Variants in FAM181B observed in about 807,000 individuals in gnomAD.
FAM181B encodes the protein protein FAM181B.
In FAM181B, 13 loss-of-function variants were observed where a neutral mutation model predicts 17.8. The ratio of observed to expected loss-of-function variants is 0.73; its 90% CI spans 0.48 to 1.16. FAM181B has a LOEUF of 1.16. FAM181B is among the 50% of genes most tolerant of loss of function. The pLI is 0.00. For missense variants in FAM181B, 725 were observed against 634.1 expected (o/e 1.14, Z -1.54); for synonymous variants, 338 against 316.5 (o/e 1.07, Z -0.72).
In FAM181B at chr11:82,733,577, C is replaced by G; in HGVS notation, c.153G>C (p.Leu51=). The change falls in exon 1 of 1, where the codon CTG becomes CTC. Residue 51 remains leucine, a synonymous_variant. Transcript: ENST00000329203. ...DETGAPAGAL[L]SGAEGGDVRE... ...GCACGTCCCCTCCTTCGGCTCCCGA[C>G]AGCAGCGCACCCGCCGGAGCCCCGG... The G allele has an allele frequency of 6.2e-7, 1 of 1,603,754 alleles. No individual in the cohort carries two copies. The highest frequency in any genetic ancestry group is 8.5e-7 in the Non-Finnish European group (1 of 1,178,854).
Position 82,730,382 on chromosome 11 carries a change from T to C in FAM181B, c.*2067A>G, listed in dbSNP as rs892620665. The C allele has an allele frequency of 8.5e-5, 13 of 152,222 alleles. No individual in the cohort carries two copies. The highest frequency in any genetic ancestry group is 3.1e-4 in the African/African-American group (13 of 41,446). 9.4% of individuals were successfully genotyped at this position (152,222 alleles called of 1,614,324 possible). A position where few individuals can be genotyped will look rare whatever the true frequency, so the allele number is the denominator to read the frequency against. On this transcript the variant is annotated 3_prime_UTR_variant, in exon 1 of 1. Transcript: ENST00000329203. ...AACAGTAGGAGAGAGATAACCTGTT[T>C]TACTACACTAGGTAAGAAAGGAGAG...
In FAM181B at chr11:82,732,870, A is replaced by C; in HGVS notation, c.860T>G (p.Leu287Arg). Residue 287 changes from leucine (L) to arginine (R), a missense_variant, in exon 1 of 1, where the codon CTC becomes CGC. Transcript: ENST00000329203. ...GGAGGCTCCGGCGGGGAACACGTCG[A>C]GAGGCTCGGCGGCAAGCAAGACTGC... The part of the protein sequence containing the change: ...EAAVLLAAEP[L>R]DVFPAGASVL... The C allele has an allele frequency of 6.5e-7, 1 of 1,536,798 alleles. No homozygotes were observed. Among genetic ancestry groups the C allele is most frequent in the Non-Finnish European group, 8.7e-7 (1 of 1,142,892 alleles).
chr11:82,733,720 G>A lies in FAM181B; in HGVS notation c.10C>T (p.Gln4Ter). 1 of 1,421,820 alleles carries A rather than the reference G, an allele frequency of 7.0e-7. No individual in the cohort carries two copies. The highest frequency in any genetic ancestry group is 9.2e-7 in the Non-Finnish European group (1 of 1,088,318). The allele number at this position is 1,421,820 out of a possible 1,614,324, so 88.1% of individuals were successfully genotyped here. A position where few individuals can be genotyped will look rare whatever the true frequency, so the allele number is the denominator to read the frequency against. MAV[Q>*]AALLSTHPFV... is the part of the protein sequence containing the mutation. ...GGGTGCGTGCTGAGGAGCGCCGCCT[G>A]CACCGCCATCGCCGCGGCTCCCGGG... The change falls in exon 1 of 1, where the codon CAG (glutamine) becomes TAG (stop). Residue 4 changes from glutamine (Q) to a stop codon, truncating the protein, a stop_gained. Transcript: ENST00000329203. LOFTEE classifies it high-confidence loss of function.
In FAM181B at chr11:82,733,389, C is replaced by A. The variant is rs778609072; in HGVS notation, c.341G>T (p.Gly114Val). 1.8e-5 allele frequency: 27 copies of A among 1,467,234 alleles called. No individual in the cohort carries two copies. Among genetic ancestry groups the A allele is most frequent in the Non-Finnish European group, 2.2e-5 (24 of 1,107,900 alleles). The allele number at this position is 1,467,234 out of a possible 1,614,324, so 90.9% of individuals were successfully genotyped here. A position where few individuals can be genotyped will look rare whatever the true frequency, so the allele number is the denominator to read the frequency against. ...CSGLMGAAPPGPPSPSAADTP... is the reference protein window; with the variant it reads ...CSGLMGAAPPVPPSPSAADTP... Reference sequence around the variant, plus strand: ...GTCGGCGGCGCTCGGGGAGGGCGGGCCGGGGGGCGCGGCGCCCATGAGGCC... The same window carrying A: ...GTCGGCGGCGCTCGGGGAGGGCGGGACGGGGGGCGCGGCGCCCATGAGGCC... The change falls in exon 1 of 1, where the codon GGC becomes GTC. Residue 114 changes from glycine to valine, a missense_variant. Coordinates refer to ENST00000329203, the MANE Select transcript of FAM181B (RefSeq NM_175885.4).
In FAM181B at chr11:82,733,392, G is replaced by C. The variant is rs758045082; in HGVS notation, c.338C>G (p.Pro113Arg). The C allele has an allele frequency of 1.4e-5, 20 of 1,473,242 alleles. No homozygotes were observed. Among genetic ancestry groups the C allele is most frequent in the Non-Finnish European group, 1.8e-5 (20 of 1,110,398 alleles). 91.3% of individuals were successfully genotyped at this position (1,473,242 alleles called of 1,614,324 possible). The change falls in exon 1 of 1, where the codon CCC (proline) becomes CGC (arginine). Residue 113 changes from proline to arginine, a missense_variant. Pro to Arg is a moderately radical substitution (Grantham distance 103). Transcript: ENST00000329203. ...RCSGLMGAAPPGPPSPSAADT... is the reference protein window; with the variant it reads ...RCSGLMGAAPRGPPSPSAADT... The stretch of plus-strand genomic sequence containing the variant: ...GGCGGCGCTCGGGGAGGGCGGGCCG[G>C]GGGGCGCGGCGCCCATGAGGCCGCT...
At position 82,730,118 on chromosome 11, in the gene FAM181B, C is replaced by T. The variant is rs1857113099; in HGVS notation, c.*2331G>A. On this transcript the variant is annotated 3_prime_UTR_variant, in exon 1 of 1. Transcript: ENST00000329203. ...TAACCATCAGATCTCATGAGAACTC[C>T]CTCACTATCACAAGAACAGCATGGA... is the stretch of plus-strand genomic sequence containing the variant. The T allele has an allele frequency of 6.6e-6, 1 of 152,022 alleles. No individual in the cohort carries two copies. Among genetic ancestry groups the T allele is most frequent in the Non-Finnish European group, 1.5e-5 (1 of 68,018 alleles). The allele number at this position is 152,022 out of a possible 1,614,324, so 9.4% of individuals were successfully genotyped here.
chr11:82,733,109 G>T lies in FAM181B; in HGVS notation c.621C>A (p.Gly207=), dbSNP rs1349113227. Residue 207 remains glycine (G), a synonymous_variant, in exon 1 of 1, where the codon GGC becomes GGA. Transcript: ENST00000329203. ...GTGGAGGDVA[G]PAGATAIPGA... ...CTGGGATCGCCGTGGCCCCCGCGGG[G>T]CCTGCCACGTCCCCTCCCGCGCCCC... is the stretch of plus-strand genomic sequence containing the variant. 6.8e-7 allele frequency: 1 copy of T among 1,480,992 alleles called. No individual in the cohort carries two copies. The highest frequency in any genetic ancestry group is 2.3e-5 in the Admixed American group (1 of 43,036). 91.7% of individuals were successfully genotyped at this position (1,480,992 alleles called of 1,614,324 possible). A position where few individuals can be genotyped will look rare whatever the true frequency, so the allele number is the denominator to read the frequency against.
rs774192900 is a variant in FAM181B, at chr11:82,732,885, AG to A, written c.844del (p.Ala283ProfsTer55). ...YGAGTEAAVL[L>X]AAEPLDVFPA... ...GAACACGTCGAGAGGCTCGGCGGCA[AG>A]CAAGACTGCCGCCTCCGTGCCGGCG... On this transcript the variant is annotated frameshift_variant, in exon 1 of 1. Coordinates refer to ENST00000329203, the MANE Select transcript of FAM181B (RefSeq NM_175885.4). LOFTEE classifies it high-confidence loss of function. 1 of 1,541,726 alleles carries A rather than the reference AG, an allele frequency of 6.5e-7. No individual in the cohort carries two copies. Among genetic ancestry groups the A allele is most frequent in the Non-Finnish European group, 8.7e-7 (1 of 1,146,238 alleles).
rs893402701 is a variant in FAM181B, at chr11:82,733,668, G to C, written c.62C>G (p.Ser21Cys). ...HPFVPFGFGG[S>C]PDGLGGAFGA... ...GAAGGCGCCCCCTAGCCCGTCCGGG[G>C]AGCCCCCGAAGCCGAAGGGCACGAA... Residue 21 changes from serine (S) to cysteine (C), a missense_variant, in exon 1 of 1, where the codon TCC becomes TGC. Physicochemically the swap from Ser to Cys is moderately radical, Grantham distance 112. Coordinates refer to ENST00000329203, the MANE Select transcript of FAM181B (RefSeq NM_175885.4). The C allele has an allele frequency of 6.4e-7, 1 of 1,557,832 alleles. No homozygotes were observed. Among genetic ancestry groups the C allele is most frequent in the Non-Finnish European group, 8.6e-7 (1 of 1,157,354 alleles).
At position 82,732,499 on chromosome 11, in the gene FAM181B, C is replaced by T. The variant is rs755799944; in HGVS notation, c.1231G>A (p.Asp411Asn). Residue 411 changes from aspartate (D) to asparagine (N), a missense_variant, in exon 1 of 1, where the codon GAC becomes AAC. Asp to Asn is a conservative substitution (Grantham distance 23). Transcript: ENST00000329203. ...RTAYSSLWRS[D>N]GVWEGAPGEE... ...CCCGGCGCCCCTTCCCAAACCCCGT[C>T]GGATCTCCAAAGGCTGGAATAGGCG... The T allele has an allele frequency of 1.2e-6, 2 of 1,613,062 alleles. No individual in the cohort carries two copies. Among genetic ancestry groups the T allele is most frequent in the African/African-American group, 1.3e-5 (1 of 75,030 alleles).
In FAM181B at chr11:82,732,143, C is replaced by A. The variant is rs1479995691; in HGVS notation, c.*306G>T. On this transcript the variant is annotated 3_prime_UTR_variant, in exon 1 of 1. Coordinates refer to ENST00000329203, the MANE Select transcript of FAM181B (RefSeq NM_175885.4). ...AGAAGGGACAGGTGGCTACAGAAGC[C>A]AGCTCTTACCCCTTTTGCCGTCCCC... The A allele has an allele frequency of 2.4e-6, 1 of 417,196 alleles. No individual in the cohort carries two copies. The highest frequency in any genetic ancestry group is 2.1e-5 in the African/African-American group (1 of 47,760). 25.8% of individuals were successfully genotyped at this position (417,196 alleles called of 1,614,324 possible). A position where few individuals can be genotyped will look rare whatever the true frequency, so the allele number is the denominator to read the frequency against.
At position 82,732,714 on chromosome 11, in the gene FAM181B, G is replaced by A. The variant is rs917562402; in HGVS notation, c.1016C>T (p.Ala339Val). 3 of 1,456,802 alleles carry A rather than the reference G, an allele frequency of 2.1e-6. No individual in the cohort carries two copies. The highest frequency in any genetic ancestry group is 2.7e-6 in the Non-Finnish European group (3 of 1,103,270). The allele number at this position is 1,456,802 out of a possible 1,614,324, so 90.2% of individuals were successfully genotyped here. A position where few individuals can be genotyped will look rare whatever the true frequency, so the allele number is the denominator to read the frequency against. ...CSPTKKSPLT[A>V]PRGGLTLNEP... Reference sequence around the variant, plus strand: ...GTTCAAGGTCAAGCCGCCGCGGGGGGCAGTCAGGGGGCTCTTTTTGGTCGG... The same window carrying A: ...GTTCAAGGTCAAGCCGCCGCGGGGGACAGTCAGGGGGCTCTTTTTGGTCGG... Residue 339 changes from alanine (A) to valine (V), a missense_variant, in exon 1 of 1, where the codon GCC becomes GTC. Physicochemically the swap from Ala to Val is moderately conservative, Grantham distance 64. Coordinates refer to ENST00000329203, the MANE Select transcript of FAM181B (RefSeq NM_175885.4).
In FAM181B at chr11:82,731,091, G is replaced by A. The variant is rs1857124200; in HGVS notation, c.*1358C>T. 6.6e-6 allele frequency: 1 copy of A among 152,172 alleles called. No individual in the cohort carries two copies. The highest frequency in any genetic ancestry group is 2.1e-4 in the South Asian group (1 of 4,818). The allele number at this position is 152,172 out of a possible 1,614,324, so 9.4% of individuals were successfully genotyped here. ...CCTATTGGTGCCATGTGTCCTCTCT[G>A]CCACATTCATGGCTGGTAAAAATAT... On this transcript the variant is annotated 3_prime_UTR_variant, in exon 1 of 1. Transcript: ENST00000329203.
Position 82,733,730 on chromosome 11 carries a change from C to CGCCGCGGCTCCCGGGCTG in FAM181B, c.-19_-2dup, listed in dbSNP as rs1188492015. The CGCCGCGGCTCCCGGGCTG allele has an allele frequency of 2.8e-6, 4 of 1,411,214 alleles. No individual in the cohort carries two copies. The highest frequency in any genetic ancestry group is 3.7e-6 in the Non-Finnish European group (4 of 1,083,438). 87.4% of individuals were successfully genotyped at this position (1,411,214 alleles called of 1,614,324 possible). A position where few individuals can be genotyped will look rare whatever the true frequency, so the allele number is the denominator to read the frequency against. ...TGAGGAGCGCCGCCTGCACCGCCATCGCCGCGGCTCCCGGGCTGTCCGCAG... is the reference window on the plus strand; with the variant it reads ...TGAGGAGCGCCGCCTGCACCGCCATCGCCGCGGCTCCCGGGCTGGCCGCGGCTCCCGGGCTGTCCGCAG... On this transcript the variant is annotated 5_prime_UTR_variant, in exon 1 of 1. Coordinates refer to ENST00000329203, the MANE Select transcript of FAM181B (RefSeq NM_175885.4).
Position 82,732,988 on chromosome 11 carries a change from GC to G in FAM181B, c.741del (p.Pro248ArgfsTer3). ...RAGGGGCGPS[G>X]PDVSLGDLEK... ...TCCAGGTCGCCCAAGCTCACGTCCGGCCCCGACGGGCCACACCCGCCGCCGC... is the reference window on the plus strand; with the variant it reads ...TCCAGGTCGCCCAAGCTCACGTCCGGCCCGACGGGCCACACCCGCCGCCGC... On this transcript the variant is annotated frameshift_variant, in exon 1 of 1. Coordinates refer to ENST00000329203, the MANE Select transcript of FAM181B (RefSeq NM_175885.4). LOFTEE classifies it high-confidence loss of function. 6.4e-7 allele frequency: 1 copy of G among 1,558,014 alleles called. No individual in the cohort carries two copies. Among genetic ancestry groups the G allele is most frequent in the Non-Finnish European group, 8.6e-7 (1 of 1,161,882 alleles).
At position 82,733,256 on chromosome 11, in the gene FAM181B, G is replaced by C. The variant is rs542470177; in HGVS notation, c.474C>G (p.Ala158=). ...RREASQAAAA[A]SLQSRSLAAL... is the part of the protein sequence containing the mutation. ...CGGCCAGACTTCGGCTTTGCAAGCT[G>C]GCGGCCGCGGCGGCCTGCGACGCCT... Residue 158 remains alanine, a synonymous_variant, in exon 1 of 1, where the codon GCC becomes GCG. Coordinates refer to ENST00000329203, the MANE Select transcript of FAM181B (RefSeq NM_175885.4). 14 of 1,229,430 alleles carry C rather than the reference G, an allele frequency of 1.1e-5. No individual in the cohort carries two copies. In the East Asian group the frequency reaches 4.6e-4, roughly 40 times the overall value. 76.2% of individuals were successfully genotyped at this position (1,229,430 alleles called of 1,614,324 possible).
In FAM181B at chr11:82,732,801, G is replaced by T; in HGVS notation, c.929C>A (p.Pro310Gln). ...PPELEPGLFE[P>Q]PPAVVGNLLY... ...TAGGTTTCCCACCACTGCCGGCGGC[G>T]GCTCAAAGAGGCCGGGCTCCAGCTC... Residue 310 changes from proline (P) to glutamine (Q), a missense_variant, in exon 1 of 1, where the codon CCG becomes CAG. Coordinates refer to ENST00000329203, the MANE Select transcript of FAM181B (RefSeq NM_175885.4). The T allele has an allele frequency of 6.7e-7, 1 of 1,503,468 alleles. No homozygotes were observed. Among genetic ancestry groups the T allele is most frequent in the Non-Finnish European group, 8.9e-7 (1 of 1,125,618 alleles). 93.1% of individuals were successfully genotyped at this position (1,503,468 alleles called of 1,614,324 possible).
In FAM181B at chr11:82,733,701, G is replaced by C. The variant is rs1361412041; in HGVS notation, c.29C>G (p.Thr10Arg). ...GAAGCCGAAGGGCACGAAAGGGTGCGTGCTGAGGAGCGCCGCCTGCACCGC... is the reference window on the plus strand; with the variant it reads ...GAAGCCGAAGGGCACGAAAGGGTGCCTGCTGAGGAGCGCCGCCTGCACCGC... MAVQAALLS[T>R]HPFVPFGFGG... The change falls in exon 1 of 1, where the codon ACG (threonine) becomes AGG (arginine). Residue 10 changes from threonine (T) to arginine (R), a missense_variant. Physicochemically the swap from Thr to Arg is moderately conservative, Grantham distance 71. Coordinates refer to ENST00000329203, the MANE Select transcript of FAM181B (RefSeq NM_175885.4). 1 of 1,469,852 alleles carries C rather than the reference G, an allele frequency of 6.8e-7. No individual in the cohort carries two copies. The highest frequency in any genetic ancestry group is 9.0e-7 in the Non-Finnish European group (1 of 1,111,148). 91.1% of individuals were successfully genotyped at this position (1,469,852 alleles called of 1,614,324 possible).
Position 82,730,306 on chromosome 11 carries a change from G to C in FAM181B, c.*2143C>G, listed in dbSNP as rs1857114481. 1 of 152,126 alleles carries C rather than the reference G, an allele frequency of 6.6e-6. No individual in the cohort carries two copies. Among genetic ancestry groups the C allele is most frequent in the Admixed American group, 6.5e-5 (1 of 15,276 alleles). 9.4% of individuals were successfully genotyped at this position (152,126 alleles called of 1,614,324 possible). A position where few individuals can be genotyped will look rare whatever the true frequency, so the allele number is the denominator to read the frequency against. ...CTCAGTGAGTTAGCTTAAATGCCTG[G>C]GATGCGGAAACAATGTTGATATTAT... On this transcript the variant is annotated 3_prime_UTR_variant, in exon 1 of 1. Transcript: ENST00000329203.
Sources: gnomAD v4.1 joint callset for allele counts on GRCh38, gnomAD v4.1.1 for gene constraint, MANE v1.5 for transcripts, NCBI Gene and HGNC (gene_info 2026-07-23, HGNC 2026-07-21) for gene names.